Variants in TACC2 observed in about 807,000 individuals in gnomAD.
TACC2 encodes transforming acidic coiled-coil containing protein 2.
TACC2 carries 137 observed loss-of-function variants against 227.3 expected under a neutral mutation model. That is an observed-to-expected ratio of 0.60 (90% confidence interval 0.52 to 0.69). The LOEUF (loss-of-function observed/expected upper bound fraction) is 0.69. Among genes scored for constraint, TACC2 ranks in the 30% least tolerant of loss-of-function variants. TACC2 has a pLI of 0.00. For synonymous variants in TACC2, 1,523 were observed against 1,487.5 expected (o/e 1.02, Z -0.55); for missense variants, 3,470 against 3,694.4 (o/e 0.94, Z 1.57).
chr10:122,035,014 GGT>G (rs1959802387), intron 2 of TACC2, among the ~76,000 whole-genome samples: 1 of 151,998 alleles, frequency 6.6e-6, no homozygotes, highest in African/African-American at 2.4e-5. Context: ...TTTTGTGTAT[GGT>G]GGATCTGAAG....
chr10:122,032,883 T>C (rs1392957068), intron 2 of TACC2, among the ~76,000 whole-genome samples: 2 of 152,030 alleles, frequency 1.3e-5, no homozygotes, highest in Non-Finnish European at 2.9e-5. Flanking sequence ...CGCTTGAACC[T>C]GGCAGGCGCA....
At chr10:122,120,697 C>T (rs11200411) in intron 5 of TACC2, among the ~76,000 whole-genome samples, 16,777 of 152,120 alleles carry the variant, frequency 0.11, 989 homozygotes, top group East Asian at 0.2. Flanking sequence ...TAGAGCCTGG[C>T]GCATGCTAGG....
chr10:122,039,117 A>G (rs1311201401), intron 2 of TACC2, among the ~76,000 whole-genome samples: 2 of 152,172 alleles, frequency 1.3e-5, no homozygotes, highest in African/African-American at 4.8e-5. Flanking sequence ...CTGGGATTAC[A>G]GGCAGGTGCC....
chr10:122,032,576 G>A (rs1456847588), intron 2 of TACC2, among the ~76,000 whole-genome samples: 3 of 152,104 alleles, frequency 2.0e-5, no homozygotes, highest in South Asian at 2.1e-4. Context: ...ATACACCTTC[G>A]GGCTTCTGGT....
chr10:122,030,492 A>G (rs1457625751), intron 2 of TACC2, among the ~76,000 whole-genome samples: 1 of 152,116 alleles, frequency 6.6e-6, no homozygotes, highest in Non-Finnish European at 1.5e-5. Flanking sequence ...CTAATGCTAC[A>G]TATGTTTACT....
rs755351934 is a variant in TACC2, at chr10:122,248,822, G to A, written c.8553+19G>A. On this transcript the variant is annotated intron_variant, in intron 20 of 22. Transcript: ENST00000369005. ...CCGCAAGGTAGGGCTGAGTTTGGGG[G>A]CCACGGAGGAGGAGGATCTGATTGG... 5.0e-6 allele frequency: 8 copies of A among 1,613,812 alleles called. No homozygotes were observed. Among genetic ancestry groups the A allele is most frequent in the Non-Finnish European group, 6.8e-6 (8 of 1,179,848 alleles).
chr10:122,007,713 C>CT (rs1463328071), intron 1 of TACC2, among the ~76,000 whole-genome samples: 6 of 151,974 alleles, frequency 3.9e-5, no homozygotes, highest in East Asian at 1.9e-4. Context: ...TCTAACTTTT[C>CT]TTTTTTTTCT....
intron 5 of TACC2, among the ~76,000 whole-genome samples, chr10:122,108,508 C>T (rs538377334): frequency 7.2e-4 from 95 of 132,268 alleles, no homozygotes; most frequent in African/African-American, 2.6e-3. Context: ...TGCAATGGTG[C>T]GATCTTGGCT....
intron 5 of TACC2, among the ~76,000 whole-genome samples, chr10:122,106,848 T>C (rs375739735): frequency 8.5e-5 from 13 of 152,252 alleles, no homozygotes; most frequent in South Asian, 2.1e-4. Flanking sequence ...AGCGACATCA[T>C]TGAGGAAAGA....
intron 7 of TACC2, among the ~76,000 whole-genome samples, chr10:122,173,170 C>T (rs1367224420): frequency 2.0e-5 from 3 of 152,130 alleles, no homozygotes; most frequent in Non-Finnish European, 1.5e-5. Context: ...AGAAATGTGC[C>T]CTCCTCACCC....
chr10:122,186,223 C>G (rs1172527003), intron 7 of TACC2, among the ~76,000 whole-genome samples: 1 of 152,198 alleles, frequency 6.6e-6, no homozygotes, highest in African/African-American at 2.4e-5. Context: ...GCCACCACGC[C>G]TGGCCAAGTA....
At chr10:122,234,631 T>A (rs2095822443) in intron 16 of TACC2, among the ~76,000 whole-genome samples, 1 of 152,204 alleles carries the variant, frequency 6.6e-6, no homozygotes, top group African/African-American at 2.4e-5. Context: ...TCTGTTCCTT[T>A]ATTGAAAACT....
intron 1 of TACC2, among the ~76,000 whole-genome samples, chr10:121,995,139 A>G (rs1441136047): frequency 6.6e-6 from 1 of 152,162 alleles, no homozygotes; most frequent in African/African-American, 2.4e-5. Context: ...GAAAGCTCGT[A>G]TTGTGTTGAC....
At chr10:122,173,724 T>C in intron 7 of TACC2, among the ~76,000 whole-genome samples, 1 of 152,164 alleles carries the variant, frequency 6.6e-6, no homozygotes, top group East Asian at 1.9e-4. Flanking sequence ...CCCTGCGAGA[T>C]GAGGGGAAGC....
intron 2 of TACC2, among the ~76,000 whole-genome samples, chr10:122,028,970 TCCCTCCCCTC>T (rs1284919953): frequency 2.1e-3 from 4 of 1,898 alleles, no homozygotes; most frequent in African/African-American, 0.016. Context: ...TCCCTTCCCT[TCCCTCCCCTC>T]CCCTCCCCTC....
chr10:122,114,328 G>C (rs753866598), intron 5 of TACC2, among the ~76,000 whole-genome samples: 2 of 152,118 alleles, frequency 1.3e-5, no homozygotes, highest in Non-Finnish European at 2.9e-5. Flanking sequence ...CTTTTTTTCC[G>C]GGACTGTGAC....
chr10:122,104,152 A>G (rs560680897), intron 5 of TACC2, among the ~76,000 whole-genome samples: 1 of 152,242 alleles, frequency 6.6e-6, no homozygotes, highest in South Asian at 2.1e-4. Flanking sequence ...ATACTTCCTT[A>G]TTAGAAGGCA....
chr10:122,083,921 A>G lies in TACC2; in HGVS notation c.1421A>G (p.Asp474Gly), dbSNP rs777064999. ...GLVGLERQVS[D>G]LGSKGEHPEG... The stretch of plus-strand genomic sequence containing the variant: ...GTGGGACTGGAGAGGCAGGTGTCAG[A>G]TCTTGGAAGCAAGGGAGAGCATCCA... The change falls in exon 4 of 23, where the codon GAT becomes GGT. Residue 474 changes from aspartate (D) to glycine (G), a missense_variant. Physicochemically the swap from Asp to Gly is moderately conservative, Grantham distance 94. Around this residue, in one of 10 missense-constraint regions of TACC2, gnomAD observed 1,924 missense variants for 1,978.3 expected, o/e 0.97. Coordinates refer to ENST00000369005, the MANE Select transcript of TACC2 (RefSeq NM_206862.4). The G allele has an allele frequency of 3.1e-6, 5 of 1,614,066 alleles. No individual in the cohort carries two copies. In the South Asian group the frequency reaches 3.3e-5, roughly 11 times the overall value.
rs2095232005 is a variant in TACC2 at position 122,209,386 on chromosome 10, C to G, written c.5972-1011C>G. Among the ~76,000 whole-genome samples the G allele has an allele frequency of 6.6e-6, 1 of 152,160 alleles. No homozygotes were observed. The highest frequency in any genetic ancestry group is 2.4e-5 in the African/African-American group (1 of 41,432). ...TTTATGGAAGCCTCCGTATGCCTTC[C>G]TGCAGGATTTCTCTGTCTTCCTGTC... On this transcript the variant is annotated intron_variant, in intron 8 of 22. Coordinates refer to ENST00000369005, the MANE Select transcript of TACC2 (RefSeq NM_206862.4). This position sits in a 1 kb window ranked among gnomAD's most constrained non-coding sequence, Gnocchi z 4.5.
Sources: allele counts gnomAD v4.1 joint callset (sites outside exome capture counted in the v4.1 genomes callset), GRCh38; gene constraint gnomAD v4.1.1; regional missense constraint gnomAD v4.1.1; non-coding constraint Gnocchi (gnomAD v3.1); transcripts MANE v1.5; gene names NCBI Gene and HGNC (gene_info 2026-07-23, HGNC 2026-07-21).